DOCK2: variants seen among roughly 807,000 people sequenced by gnomAD.
DOCK2 encodes dedicator of cytokinesis 2.
DOCK2 carries 87 observed loss-of-function variants against 248.9 expected under a neutral mutation model. That is an observed-to-expected ratio of 0.35 (90% CI 0.29 to 0.42). The LOEUF is 0.42. DOCK2 is among the 10% of genes least tolerant of loss of function. The pLI is 1.00. For synonymous variants in DOCK2, 805 were observed against 821.6 expected, an observed-to-expected ratio of 0.98 and a Z score of 0.35; for missense variants, 1,747 against 2,300.2, an observed-to-expected ratio of 0.76 and a Z score of 4.92.
intron 41 of DOCK2, 55 bp from the exon 42 acceptor site, chr5:170,055,250 C>T: frequency 3.8e-6 from 6 of 1,575,934 alleles, no homozygotes; most frequent in African/African-American, 1.3e-5. Flanking sequence ...ACCAGCTATA[C>T]TTAAAACTGT....
intron 27 of DOCK2, chr5:169,934,676 C>T: frequency 2.2e-6 from 1 of 456,236 alleles, no homozygotes; most frequent in Non-Finnish European, 4.4e-6. Flanking sequence ...TAGGACTGAA[C>T]CGATTGGGTG....
chr5:169,657,462 A>C (rs1428981626), intron 2 of DOCK2, among the ~76,000 whole-genome samples: 1 of 152,248 alleles, frequency 6.6e-6, no homozygotes, highest in Non-Finnish European at 1.5e-5. Flanking sequence ...ATCACAATAC[A>C]AGAATATTGG....
intron 34 of DOCK2, among the ~76,000 whole-genome samples, chr5:170,032,512 G>A (rs955680484): frequency 2.0e-5 from 3 of 152,144 alleles, no homozygotes; most frequent in African/African-American, 7.2e-5. Context: ...GTCTGGCCAA[G>A]CTCAGACCCC....
intron 9 of DOCK2, among the ~76,000 whole-genome samples, chr5:169,694,609 G>T (rs1760503077): frequency 6.6e-6 from 1 of 152,210 alleles, no homozygotes; most frequent in Admixed American, 6.5e-5. Flanking sequence ...CTTCAGAGAT[G>T]TGAGAGATTG....
chr5:169,731,066 C>T (rs1762745851), intron 22 of DOCK2, among the ~76,000 whole-genome samples: 2 of 152,096 alleles, frequency 1.3e-5, no homozygotes, highest in African/African-American at 4.8e-5. Flanking sequence ...TGCAGTCTCA[C>T]TGTGTTGCTG....
rs193024410 is a variant in DOCK2, at chr5:169,768,288, A to T, written c.2554+6663A>T. Among the ~76,000 whole-genome samples, 68 of 152,344 alleles carry T rather than the reference A, an allele frequency of 4.5e-4. 1 individual carries two copies. The highest frequency in any genetic ancestry group is 3.3e-3 in the Admixed American group (51 of 15,300). On this transcript the variant is annotated intron_variant, in intron 25 of 51. Transcript: ENST00000520908. The stretch of plus-strand genomic sequence containing the variant: ...GCACACGCACATGCAATATTTGATG[A>T]GCGCTGTCTCTACGGCTCACAGGTA...
At chr5:170,079,990 A>G in intron 49 of DOCK2, 173 bp from the exon 50 acceptor site, 1 of 1,132,284 alleles carries the variant, frequency 8.8e-7, no homozygotes. Context: ...AACCTGTGCA[A>G]CCATATGTGG....
intron 22 of DOCK2, among the ~76,000 whole-genome samples, chr5:169,728,457 T>C (rs1762601768): frequency 6.6e-6 from 1 of 151,892 alleles, no homozygotes; most frequent in Non-Finnish European, 1.5e-5. Context: ...GAAAGCTGGA[T>C]TAGGGACATA....
intron 15 of DOCK2, 141 bp downstream of exon 15, chr5:169,708,408 G>T: frequency 1.1e-6 from 1 of 892,534 alleles, no homozygotes; most frequent in Non-Finnish European, 1.7e-6. Flanking sequence ...TCATTTTATA[G>T]TTGAGGAAAC....
chr5:169,810,985 T>TCA (rs1426678091), intron 26 of DOCK2, among the ~76,000 whole-genome samples: 2 of 77,414 alleles, frequency 2.6e-5, no homozygotes, highest in Non-Finnish European at 5.5e-5. Context: ...TCTCTCTCTC[T>TCA]CTCTCACACA....
At chr5:169,702,275 C>T (rs1433701933) in intron 13 of DOCK2, 28 bp from the exon 14 acceptor site, 1 of 1,611,762 alleles carries the variant, frequency 6.2e-7, no homozygotes, top group Non-Finnish European at 8.5e-7. Flanking sequence ...TCCACACTAA[C>T]TCTTGTCTCT....
chr5:170,008,627 G>T (rs749342340), intron 31 of DOCK2, 30 bp downstream of exon 31: 3 of 1,614,072 alleles, frequency 1.9e-6, no homozygotes, highest in Non-Finnish European at 2.5e-6. Context: ...TTCCTGAAGA[G>T]GGGGAGGTCC....
At chr5:169,964,636 G>A (rs1037789719) in intron 27 of DOCK2, among the ~76,000 whole-genome samples, 10 of 152,246 alleles carry the variant, frequency 6.6e-5, no homozygotes, top group Admixed American at 5.2e-4. Context: ...TAAGCCAAAA[G>A]TCAGCCCTTC....
At chr5:169,646,563 G>A (rs955661497) in intron 1 of DOCK2, among the ~76,000 whole-genome samples, 7 of 152,184 alleles carry the variant, frequency 4.6e-5, no homozygotes, top group African/African-American at 1.7e-4. Flanking sequence ...GAGCTGTATG[G>A]AGGGTTAACT....
chr5:169,686,061 T>G (rs532138718), intron 8 of DOCK2, among the ~76,000 whole-genome samples: 1 of 152,026 alleles, frequency 6.6e-6, no homozygotes, highest in Non-Finnish European at 1.5e-5. Flanking sequence ...GGCTTAGCCT[T>G]GGTGGACCCC....
intron 27 of DOCK2, among the ~76,000 whole-genome samples, chr5:169,885,500 A>G (rs1248582788): frequency 1.3e-5 from 2 of 152,210 alleles, no homozygotes; most frequent in African/African-American, 4.8e-5. Context: ...TTATTTAAGG[A>G]CAAAATTCTC....
chr5:169,849,650 G>A (rs1250999037), intron 27 of DOCK2, among the ~76,000 whole-genome samples: 1 of 152,194 alleles, frequency 6.6e-6, no homozygotes, highest in Non-Finnish European at 1.5e-5. Context: ...TCTAAACTTA[G>A]AAAGAGAACT....
intron 25 of DOCK2, among the ~76,000 whole-genome samples, chr5:169,791,334 A>G (rs1303476609): frequency 6.6e-6 from 1 of 152,220 alleles, no homozygotes; most frequent in Admixed American, 6.5e-5. Context: ...CCAACCGACT[A>G]TAGTTGAATA....
At chr5:169,726,443 C>A (rs184208975) in intron 22 of DOCK2, among the ~76,000 whole-genome samples, 11 of 152,252 alleles carry the variant, frequency 7.2e-5, no homozygotes, top group Admixed American at 2.0e-4. Flanking sequence ...AAATTTTCTC[C>A]CGTTCTGTAG....
Sources: gnomAD v4.1 joint callset for allele counts (sites outside exome capture counted in the v4.1 genomes callset) on GRCh38, gnomAD v4.1.1 for gene constraint, MANE v1.5 for transcripts, NCBI Gene and HGNC (gene_info 2026-07-23, HGNC 2026-07-21) for gene names.